TIMELESS: variants seen among roughly 807,000 people sequenced by gnomAD.
TIMELESS encodes the protein timeless circadian regulator.
A neutral mutation model predicts 164.3 loss-of-function variants in TIMELESS; 124 were observed. The observed-to-expected ratio is 0.75, with a 90% CI of 0.65 to 0.88. The LOEUF is 0.88. Among genes scored for constraint, TIMELESS ranks in the 40% least tolerant of loss-of-function variants. TIMELESS has a pLI of 0.00. For synonymous variants in TIMELESS, 564 were observed against 563.4 expected (o/e 1.00, Z -0.02); for missense variants, 1,422 against 1,491.4 (o/e 0.95, Z 0.77).
chr12:56,443,984 G>A (rs987038683), intron 1 of TIMELESS, among the ~76,000 whole-genome samples: 7 of 148,140 alleles, frequency 4.7e-5, no homozygotes, highest in African/African-American at 1.0e-4. Context: ...CTGCATCTCC[G>A]CCTCCTGGGT....
At chr12:56,426,917 GT>G (rs574241255) in intron 13 of TIMELESS, among the ~76,000 whole-genome samples, 10 of 152,204 alleles carry the variant, frequency 6.6e-5, no homozygotes, top group East Asian at 5.8e-4. Flanking sequence ...ATTCCTTGGA[GT>G]TTGCATTTTG....
chr12:56,420,002 G>A (rs1434337408), intron 26 of TIMELESS, among the ~76,000 whole-genome samples: 1 of 11,656 alleles, frequency 8.6e-5, no homozygotes, highest in South Asian at 4.8e-3. Flanking sequence ...GTGAGACTCT[G>A]TCTCAAAAAA....
rs191245762 is a variant in TIMELESS at position 56,426,952 on chromosome 12, T to C, written c.1578+1284A>G. Among the ~76,000 whole-genome samples the C allele has an allele frequency of 3.9e-3, 589 of 152,264 alleles. 2 individuals are homozygous for C. The highest frequency in any genetic ancestry group is 7.1e-3 in the Non-Finnish European group (481 of 68,016). The stretch of plus-strand genomic sequence containing the variant: ...TGTCCCAGGGTTTTTTTTATTTTAA[T>C]GTGAACCAATAATTTTATTTTTCAG... On this transcript the variant is annotated intron_variant, in intron 13 of 28. Coordinates refer to ENST00000553532, the MANE Select transcript of TIMELESS (RefSeq NM_003920.5).
intron 1 of TIMELESS, among the ~76,000 whole-genome samples, chr12:56,445,300 C>G (rs1465788323): frequency 6.6e-6 from 1 of 150,716 alleles, no homozygotes; most frequent in African/African-American, 2.4e-5. Flanking sequence ...TGGTGCATGC[C>G]TGTAATCCCA....
chr12:56,433,357 C>A (rs373161456), intron 5 of TIMELESS, 24 bp downstream of exon 5: 59 of 1,613,528 alleles, frequency 3.7e-5, no homozygotes, highest in Non-Finnish European at 4.7e-5. Flanking sequence ...CCCATGGTAT[C>A]CTGTAAGGTG....
intron 1 of TIMELESS, among the ~76,000 whole-genome samples, chr12:56,442,640 A>G (rs983349470): frequency 7.2e-5 from 11 of 152,156 alleles, no homozygotes; most frequent in Non-Finnish European, 1.5e-5. Flanking sequence ...CCTCAGATCA[A>G]TGCAACCATC....
rs200059760 is a variant in TIMELESS at position 56,420,891 on chromosome 12, T to G, written c.3041-10A>C. On this transcript the variant is annotated splice_polypyrimidine_tract_variant and intron_variant, in intron 24 of 28. Coordinates refer to ENST00000553532, the MANE Select transcript of TIMELESS (RefSeq NM_003920.5). ...AGCGGGATAGAAAAGCCTAAGGAAA[T>G]GAGGGAAACTTACATTTGACCCTAC... 6.2e-7 allele frequency: 1 copy of G among 1,614,126 alleles called. No individual in the cohort carries two copies. The highest frequency in any genetic ancestry group is 2.2e-5 in the East Asian group (1 of 44,874).
chr12:56,435,142 A>G (rs1339062499), intron 1 of TIMELESS, among the ~76,000 whole-genome samples: 1 of 152,126 alleles, frequency 6.6e-6, no homozygotes, highest in Non-Finnish European at 1.5e-5. Flanking sequence ...CTGGCCATAC[A>G]GTGATTCCAC....
At chr12:56,429,667 AT>A (rs5798377) in intron 10 of TIMELESS, among the ~76,000 whole-genome samples, 72,989 of 137,324 alleles carry the variant, frequency 0.53, 19,691 homozygotes, top group African/African-American at 0.6. Context: ...ATGCCGGCTA[AT>A]TTTTTTTTTT....
In TIMELESS at chr12:56,421,890, C is replaced by T. The variant is rs374435667; in HGVS notation, c.2642+9G>A. 4.3e-6 allele frequency: 7 copies of T among 1,613,826 alleles called. No homozygotes were observed. Among genetic ancestry groups the T allele is most frequent in the East Asian group, 4.5e-5 (2 of 44,898 alleles). Reference sequence around the variant, plus strand: ...ATCCCAATAGCCTCCAGAGCATGTGCCTCTCTACCTTTGGAAGTCCTTGAC... The same window carrying T: ...ATCCCAATAGCCTCCAGAGCATGTGTCTCTCTACCTTTGGAAGTCCTTGAC... On this transcript the variant is annotated intron_variant, in intron 21 of 28. Coordinates refer to ENST00000553532, the MANE Select transcript of TIMELESS (RefSeq NM_003920.5).
chr12:56,430,134 A>G lies in TIMELESS; in HGVS notation c.1057T>C (p.Cys353Arg). 5 of 1,613,692 alleles carry G rather than the reference A, an allele frequency of 3.1e-6. No homozygotes were observed. Among genetic ancestry groups the G allele is most frequent in the Non-Finnish European group, 4.2e-6 (5 of 1,179,902 alleles). ...ACTGATCCCATGAGCCGGTTGTAAC[A>G]GTTCTCCAGGAACTCAGAGCAGAAG... The part of the protein sequence containing the change: ...RDFCSEFLEN[C>R]YNRLMGSVKD... The change falls in exon 10 of 29, where the codon TGT (cysteine) becomes CGT (arginine). Residue 353 changes from cysteine (C) to arginine (R), a missense_variant. Physicochemically the swap from Cys to Arg is radical, Grantham distance 180. Transcript: ENST00000553532.
intron 1 of TIMELESS, among the ~76,000 whole-genome samples, chr12:56,438,601 G>A (rs753729109): frequency 6.6e-5 from 10 of 151,758 alleles, no homozygotes; most frequent in South Asian, 2.1e-4. Context: ...GTGAGACCTC[G>A]TCTCTACAAA....
Position 56,432,999 on chromosome 12 carries a change from A to G in TIMELESS, c.531+27T>C. 5.8e-6 allele frequency: 9 copies of G among 1,561,340 alleles called. No homozygotes were observed. In the South Asian group the frequency reaches 9.0e-5, roughly 16 times the overall value. ...AGGCAGCTCAACCTAACCATGCACA[A>G]GAACACAGAACACCCAAGACCCTCA... On this transcript the variant is annotated intron_variant, in intron 6 of 28. Transcript: ENST00000553532.
At chr12:56,436,763 T>A (rs1882083672) in intron 1 of TIMELESS, among the ~76,000 whole-genome samples, 1 of 152,180 alleles carries the variant, frequency 6.6e-6, no homozygotes, top group South Asian at 2.1e-4. Context: ...GGAAATGTCA[T>A]CATATATTAG....
intron 10 of TIMELESS, among the ~76,000 whole-genome samples, chr12:56,429,667 ATT>A (rs5798377): frequency 0.43 from 59,298 of 137,560 alleles, 13,615 homozygotes; most frequent in East Asian, 0.73. Context: ...ATGCCGGCTA[ATT>A]TTTTTTTTTT....
chr12:56,431,719 G>T, intron 7 of TIMELESS, 115 bp from the exon 8 acceptor site: 1 of 1,308,252 alleles, frequency 7.6e-7, no homozygotes, highest in Non-Finnish European at 1.0e-6. Context: ...GGGGCATTGT[G>T]CTGTCGTTCT....
intron 12 of TIMELESS, 21 bp from the exon 13 acceptor site, chr12:56,428,426 G>T (rs753116055): frequency 1.9e-6 from 3 of 1,604,106 alleles, no homozygotes; most frequent in East Asian, 2.2e-5. Flanking sequence ...GGAAGAGAAA[G>T]GGATGGAAGG....
At chr12:56,438,309 T>G (rs992529472) in intron 1 of TIMELESS, among the ~76,000 whole-genome samples, 3 of 152,104 alleles carry the variant, frequency 2.0e-5, no homozygotes, top group African/African-American at 7.2e-5. Flanking sequence ...CCTCACAAAG[T>G]GCAGGGATTA....
intron 1 of TIMELESS, among the ~76,000 whole-genome samples, chr12:56,448,271 T>C (rs1287785548): frequency 6.6e-6 from 1 of 151,546 alleles, no homozygotes; most frequent in African/African-American, 2.4e-5. Context: ...CCGGGCGTGG[T>C]GGCGGGCAGC....
Sources: allele counts gnomAD v4.1 joint callset (sites outside exome capture counted in the v4.1 genomes callset), GRCh38; gene constraint gnomAD v4.1.1; transcripts MANE v1.5; gene names NCBI Gene and HGNC (gene_info 2026-07-23, HGNC 2026-07-21).